The following DOCK2 variants were observed in gnomAD, a reference collection of about 807,000 sequenced individuals.
DOCK2 encodes dedicator of cytokinesis 2.
Under a neutral mutation model 248.9 loss-of-function variants are expected in DOCK2, and 87 were observed. The observed-to-expected ratio is 0.35, with a 90% CI of 0.29 to 0.42. The LOEUF is 0.42. DOCK2 is among the 10% of genes least tolerant of loss of function. The pLI, the probability that DOCK2 is intolerant of heterozygous loss-of-function variation, is 1.00. For synonymous variants in DOCK2, 805 were observed against 821.6 expected (o/e 0.98, Z 0.35); for missense variants, 1,747 against 2,300.2 (o/e 0.76, Z 4.92).
chr5:169,813,005 T>C (rs1767852074), intron 26 of DOCK2, among the ~76,000 whole-genome samples: 2 of 152,218 alleles, frequency 1.3e-5, no homozygotes, highest in African/African-American at 4.8e-5. Flanking sequence ...CTGCAGGGCA[T>C]CTGGACCTCA....
At chr5:169,965,077 C>T (rs188997060) in intron 27 of DOCK2, among the ~76,000 whole-genome samples, 210 of 152,314 alleles carry the variant, frequency 1.4e-3, no homozygotes, top group African/African-American at 4.7e-3. Flanking sequence ...ACTTGCTGTG[C>T]TAGGGGCCCA....
At chr5:169,698,575 T>G (rs2113453323) in intron 11 of DOCK2, 126 bp downstream of exon 11, 1 of 1,000,174 alleles carries the variant, frequency 1.0e-6, no homozygotes, top group Non-Finnish European at 1.5e-6. Context: ...CAAGGGAAGC[T>G]CAGGGTGAGA....
chr5:169,840,565 T>C (rs1223899710), intron 26 of DOCK2, among the ~76,000 whole-genome samples, 192 bp from the exon 27 acceptor site: 2 of 151,856 alleles, frequency 1.3e-5, no homozygotes, highest in African/African-American at 4.8e-5. Context: ...GTGTAGGTGG[T>C]AATGACGATG....
Position 169,761,596 on chromosome 5 carries a change from T to C in DOCK2, c.2525T>C (p.Ile842Thr), listed in dbSNP as rs148384873. Reference protein sequence around the residue: ...QKQKVQSMNEIVQSNLFKKQE... With the variant: ...QKQKVQSMNETVQSNLFKKQE... Reference sequence around the variant, plus strand: ...CAGAAAGTACAGTCTATGAATGAGATAGTCCAGAGCAACCTCTTTAAAAAG... The same window carrying C: ...CAGAAAGTACAGTCTATGAATGAGACAGTCCAGAGCAACCTCTTTAAAAAG... The change falls in exon 25 of 52, where the codon ATA becomes ACA. Residue 842 changes from isoleucine to threonine, a missense_variant. Around this residue, in one of 4 missense-constraint regions of DOCK2, gnomAD observed 858 missense variants for 1,183.5 expected, o/e 0.72. Coordinates refer to ENST00000520908, the MANE Select transcript of DOCK2 (RefSeq NM_004946.3). The C allele has an allele frequency of 5.0e-6, 8 of 1,613,974 alleles. No individual in the cohort carries two copies. Among genetic ancestry groups the C allele is most frequent in the Admixed American group, 3.3e-5 (2 of 60,004 alleles).
chr5:170,025,574 T>A (rs1188281786), intron 33 of DOCK2, among the ~76,000 whole-genome samples: 2 of 152,212 alleles, frequency 1.3e-5, no homozygotes, highest in African/African-American at 4.8e-5. Flanking sequence ...GCCCCTTAGC[T>A]GTATTTCTTC....
At chr5:169,681,269 G>C (rs1178211268) in intron 6 of DOCK2, among the ~76,000 whole-genome samples, 1 of 151,588 alleles carries the variant, frequency 6.6e-6, no homozygotes. Flanking sequence ...GATTACAGGA[G>C]CTCACCACCA....
chr5:170,012,152 G>A (rs571838343), intron 32 of DOCK2, among the ~76,000 whole-genome samples: 12 of 152,284 alleles, frequency 7.9e-5, no homozygotes, highest in Middle Eastern at 3.4e-3. Flanking sequence ...GATCCCAAGT[G>A]CAATGTTCTT....
intron 27 of DOCK2, among the ~76,000 whole-genome samples, chr5:169,949,399 GA>G (rs1385314919): frequency 6.6e-6 from 1 of 152,176 alleles, no homozygotes; most frequent in Non-Finnish European, 1.5e-5. Flanking sequence ...GGGGCTGCCT[GA>G]AGGGATGGCT....
intron 25 of DOCK2, among the ~76,000 whole-genome samples, chr5:169,799,699 A>G (rs1192522921): frequency 6.6e-6 from 1 of 152,234 alleles, no homozygotes; most frequent in Non-Finnish European, 1.5e-5. Context: ...TAATAGGGTA[A>G]TTGATAAAGT....
chr5:169,930,842 G>T lies in DOCK2; in HGVS notation c.2800-52226G>T, dbSNP rs371223639. On this transcript the variant is annotated intron_variant, in intron 27 of 51. Coordinates refer to ENST00000520908, the MANE Select transcript of DOCK2 (RefSeq NM_004946.3). The stretch of plus-strand genomic sequence containing the variant: ...TTATGCTTTCAGCTCTTCATTGGGG[G>T]TTGCACTTCATTTTCTTCTCACATT... 2.4e-4 allele frequency among the ~76,000 whole-genome samples: 37 copies of T among 152,188 alleles called. 1 individual carries two copies. The highest frequency in any genetic ancestry group is 2.1e-3 in the South Asian group (10 of 4,820).
At chr5:169,709,949 G>A (rs1761485252) in intron 15 of DOCK2, among the ~76,000 whole-genome samples, 1 of 152,150 alleles carries the variant, frequency 6.6e-6, no homozygotes, top group Non-Finnish European at 1.5e-5. Context: ...CATATCCTGG[G>A]GCTAGGATTC....
chr5:169,759,995 TTGA>T (rs1484687233), intron 24 of DOCK2, among the ~76,000 whole-genome samples: 1 of 152,174 alleles, frequency 6.6e-6, no homozygotes, highest in East Asian at 1.9e-4. Flanking sequence ...GCATCCCTCT[TTGA>T]TGATATGAAA....
At chr5:170,023,893 G>T (rs1044001921) in intron 33 of DOCK2, among the ~76,000 whole-genome samples, 2 of 152,182 alleles carry the variant, frequency 1.3e-5, no homozygotes, top group African/African-American at 2.4e-5. Flanking sequence ...TACTTCTACA[G>T]GGCTGGACTC....
intron 27 of DOCK2, among the ~76,000 whole-genome samples, chr5:169,893,485 T>C (rs1223427989): frequency 6.6e-6 from 1 of 152,016 alleles, no homozygotes; most frequent in African/African-American, 2.4e-5. Context: ...TACCCTTTTT[T>C]TTTTTTTTAG....
chr5:169,955,582 G>A (rs1776832220), intron 27 of DOCK2, among the ~76,000 whole-genome samples: 2 of 152,154 alleles, frequency 1.3e-5, no homozygotes, highest in African/African-American at 4.8e-5. Flanking sequence ...TGACCTTGTT[G>A]GTTCTTTCCA....
At chr5:169,704,423 C>T (rs908806614) in intron 14 of DOCK2, among the ~76,000 whole-genome samples, 2 of 151,394 alleles carry the variant, frequency 1.3e-5, no homozygotes, top group African/African-American at 4.8e-5. Context: ...TCATGGCTCA[C>T]CTTGGGGTGT....
chr5:169,680,954 A>G (rs924391388), intron 6 of DOCK2, among the ~76,000 whole-genome samples: 9 of 152,006 alleles, frequency 5.9e-5, no homozygotes, highest in Non-Finnish European at 1.2e-4. Context: ...ATAAAAATAA[A>G]TATTGTATGC....
intron 25 of DOCK2, among the ~76,000 whole-genome samples, chr5:169,774,658 C>G (rs1044372499): frequency 2.0e-5 from 3 of 152,172 alleles, no homozygotes; most frequent in Non-Finnish European, 4.4e-5. Context: ...GCAGGTAATA[C>G]AAATGAGTGA....
intron 27 of DOCK2, among the ~76,000 whole-genome samples, chr5:169,841,847 A>G (rs1769995036): frequency 6.6e-6 from 1 of 152,238 alleles, no homozygotes. Flanking sequence ...TATGAGCTCC[A>G]GGAAAGTAAG....
Sources: gnomAD v4.1 joint callset for allele counts (sites outside exome capture counted in the v4.1 genomes callset) on GRCh38, gnomAD v4.1.1 for gene constraint, gnomAD v4.1.1 regional missense constraint, MANE v1.5 for transcripts, NCBI Gene and HGNC (gene_info 2026-07-23, HGNC 2026-07-21) for gene names.